The following ATRNL1 variants were observed in gnomAD, a reference collection of about 807,000 sequenced individuals.
ATRNL1 encodes the protein attractin-like protein 1.
Under a neutral mutation model 182.7 loss-of-function variants are expected in ATRNL1, and 95 were observed. That is an observed-to-expected ratio of 0.52 (90% CI 0.44 to 0.62). The LOEUF is 0.62. Ranked by LOEUF, ATRNL1 falls within the 20% of genes least tolerant of loss-of-function variation. ATRNL1 has a pLI of 0.00. For synonymous variants in ATRNL1, 576 were observed against 568.3 expected (o/e 1.01, Z -0.19); for missense variants, 1,471 against 1,679.5 (o/e 0.88, Z 2.17).
intron 26 of ATRNL1, among the ~76,000 whole-genome samples, chr10:115,655,751 G>C (rs185777724): frequency 2.0e-5 from 3 of 152,248 alleles, no homozygotes; most frequent in Non-Finnish European, 2.9e-5. Flanking sequence ...TGAAAGTTCT[G>C]TTTATTTATC....
intron 28 of ATRNL1, among the ~76,000 whole-genome samples, chr10:115,886,500 G>A (rs1295040487): frequency 6.6e-6 from 1 of 152,180 alleles, no homozygotes; most frequent in Non-Finnish European, 1.5e-5. Context: ...GGCAACAAGA[G>A]CGAAACTGTC....
chr10:115,156,143 G>A (rs947018071), intron 5 of ATRNL1, among the ~76,000 whole-genome samples: 2 of 152,106 alleles, frequency 1.3e-5, no homozygotes, highest in African/African-American at 2.4e-5. Flanking sequence ...GATAACGTGC[G>A]ATGCTGAGGT....
chr10:115,258,456 G>A (rs537012919), intron 10 of ATRNL1, among the ~76,000 whole-genome samples: 9 of 151,984 alleles, frequency 5.9e-5, no homozygotes, highest in Non-Finnish European at 1.0e-4. Flanking sequence ...ATGGTTTTCA[G>A]CTCCATCAGG....
intron 13 of ATRNL1, among the ~76,000 whole-genome samples, chr10:115,274,894 A>G (rs1416964190): frequency 1.3e-5 from 2 of 152,142 alleles, no homozygotes; most frequent in African/African-American, 4.8e-5. Context: ...TGGTATTACC[A>G]CTCGGTTAAG....
At chr10:115,363,332 G>C (rs1172345389) in intron 19 of ATRNL1, among the ~76,000 whole-genome samples, 1 of 150,992 alleles carries the variant, frequency 6.6e-6, no homozygotes, top group African/African-American at 2.4e-5. Flanking sequence ...AGAAGTGTCT[G>C]TTCATGTCCT....
intron 15 of ATRNL1, among the ~76,000 whole-genome samples, chr10:115,295,133 C>T (rs1490571720): frequency 6.6e-6 from 1 of 152,010 alleles, no homozygotes; most frequent in Non-Finnish European, 1.5e-5. Context: ...TATAGCTGCT[C>T]AGTTGGCCTG....
chr10:115,131,652 T>G (rs1230616412), intron 5 of ATRNL1, among the ~76,000 whole-genome samples: 1 of 152,158 alleles, frequency 6.6e-6, no homozygotes, highest in Non-Finnish European at 1.5e-5. Context: ...ATGAGAGACA[T>G]GTGAAAATGC....
intron 26 of ATRNL1, among the ~76,000 whole-genome samples, chr10:115,697,581 C>G (rs554287632): frequency 6.6e-6 from 1 of 152,110 alleles, no homozygotes; most frequent in African/African-American, 2.4e-5. Context: ...CTGCCTTGGC[C>G]TCCCAAAGTG....
chr10:115,557,335 G>T (rs1456854106), intron 26 of ATRNL1, among the ~76,000 whole-genome samples: 1 of 152,112 alleles, frequency 6.6e-6, no homozygotes, highest in Non-Finnish European at 1.5e-5. Flanking sequence ...GAAACCCTGA[G>T]CCTAGATAAA....
intron 27 of ATRNL1, among the ~76,000 whole-genome samples, chr10:115,792,207 A>G (rs996201343): frequency 3.3e-5 from 5 of 152,178 alleles, no homozygotes; most frequent in African/African-American, 4.8e-5. Flanking sequence ...ATTTGCAAGT[A>G]TCCTTCATCC....
chr10:115,456,700 G>A (rs989461886), intron 21 of ATRNL1, among the ~76,000 whole-genome samples: 3 of 152,108 alleles, frequency 2.0e-5, no homozygotes, highest in South Asian at 2.1e-4. Flanking sequence ...TCTCAACTTC[G>A]TTGCCCTGTC....
At chr10:115,254,275 C>T (rs965059912) in intron 10 of ATRNL1, among the ~76,000 whole-genome samples, 2 of 152,182 alleles carry the variant, frequency 1.3e-5, no homozygotes, top group African/African-American at 2.4e-5. Flanking sequence ...ATTCCTATTT[C>T]TCCGCATCCT....
chr10:115,616,708 T>G (rs563158143), intron 26 of ATRNL1, among the ~76,000 whole-genome samples: 1 of 152,152 alleles, frequency 6.6e-6, no homozygotes, highest in Non-Finnish European at 1.5e-5. Context: ...GAGGTACAGC[T>G]CAGGCCACTG....
intron 10 of ATRNL1, among the ~76,000 whole-genome samples, chr10:115,255,219 C>T (rs546164330): frequency 2.4e-4 from 36 of 152,220 alleles, no homozygotes; most frequent in African/African-American, 8.7e-4. Flanking sequence ...TATAAATTAC[C>T]TTTGGCAGTA....
chr10:115,558,867 A>AC (rs781791650), intron 26 of ATRNL1, among the ~76,000 whole-genome samples: 1 of 151,670 alleles, frequency 6.6e-6, no homozygotes, highest in Non-Finnish European at 1.5e-5. Flanking sequence ...CTCCCTTCCT[A>AC]CCCCCTTCTA....
chr10:115,347,219 C>A (rs548355986), intron 19 of ATRNL1, among the ~76,000 whole-genome samples: 1 of 152,126 alleles, frequency 6.6e-6, no homozygotes, highest in South Asian at 2.1e-4. Flanking sequence ...ATAATAGATG[C>A]CTGTTGTATT....
At chr10:115,389,572 A>ATG (rs1564990131) in intron 19 of ATRNL1, among the ~76,000 whole-genome samples, 7 of 115,484 alleles carry the variant, frequency 6.1e-5, no homozygotes, top group African/African-American at 2.3e-4. Context: ...ATATATATAT[A>ATG]TATATATATA....
intron 26 of ATRNL1, among the ~76,000 whole-genome samples, chr10:115,557,476 C>G (rs1554997348): frequency 6.6e-6 from 1 of 151,866 alleles, no homozygotes; most frequent in Non-Finnish European, 1.5e-5. Flanking sequence ...CTTCTGGAAG[C>G]CAAGGAAACA....
chr10:115,156,111 G>T (rs1232408579), intron 5 of ATRNL1, among the ~76,000 whole-genome samples: 1 of 152,132 alleles, frequency 6.6e-6, no homozygotes, highest in Non-Finnish European at 1.5e-5. Flanking sequence ...TGAGGAGTCA[G>T]GGGAACAGGG....
Sources: allele counts gnomAD v4.1 joint callset (sites outside exome capture counted in the v4.1 genomes callset), GRCh38; gene constraint gnomAD v4.1.1; transcripts MANE v1.5; gene names NCBI Gene and HGNC (gene_info 2026-07-23, HGNC 2026-07-21).